STK38L: variants seen among roughly 807,000 people sequenced by gnomAD.
STK38L encodes the protein serine/threonine-protein kinase 38-like.
A neutral mutation model predicts 59.7 loss-of-function variants in STK38L; 28 were observed. That is an observed-to-expected ratio of 0.47 (90% CI 0.35 to 0.64). The LOEUF is 0.64. Among genes scored for constraint, STK38L ranks in the 30% least tolerant of loss-of-function variants. STK38L has a pLI of 0.01. For synonymous variants in STK38L, 162 were observed against 176.8 expected, an observed-to-expected ratio of 0.92 and a Z score of 0.66; for missense variants, 314 against 555.8, an observed-to-expected ratio of 0.56 and a Z score of 4.37.
In STK38L at chr12:27,312,633, A is replaced by C; in HGVS notation, c.478A>C (p.Lys160Gln). The change falls in exon 6 of 14, where the codon AAG (lysine) becomes CAG (glutamine). Residue 160 changes from lysine (K) to glutamine (Q), a missense_variant. Around this residue, in one of 3 missense-constraint regions of STK38L, gnomAD observed 192 missense variants for 316.9 expected, o/e 0.61. Coordinates refer to ENST00000389032, the MANE Select transcript of STK38L (RefSeq NM_015000.4). ...GAAGATGTTTTACAGTTTTCAGGATAAGAGGAATCTTTATCTAATCATGGA... is the reference window on the plus strand; with the variant it reads ...GAAGATGTTTTACAGTTTTCAGGATCAGAGGAATCTTTATCTAATCATGGA... Reference protein sequence around the residue: ...VVKMFYSFQDKRNLYLIMEFL... With the variant: ...VVKMFYSFQDQRNLYLIMEFL... 1 of 1,614,118 alleles carries C rather than the reference A, an allele frequency of 6.2e-7. No homozygotes were observed. Among genetic ancestry groups the C allele is most frequent in the Admixed American group, 1.7e-5 (1 of 60,022 alleles).
Position 27,322,156 on chromosome 12 carries a change from G to T in STK38L, c.1189G>T (p.Ala397Ser), listed in dbSNP as rs1344459477. 6.2e-7 allele frequency: 1 copy of T among 1,613,350 alleles called. No homozygotes were observed. Among genetic ancestry groups the T allele is most frequent in the Non-Finnish European group, 8.5e-7 (1 of 1,179,788 alleles). ...ACCTTTTTATAGGGAAAGGCCAGCA[G>T]CAATCCCTATAGAAATCAAAAGCAT... The part of the protein sequence containing the change: ...DWEHIRERPA[A>S]IPIEIKSIDD... Residue 397 changes from alanine (A) to serine (S), a missense_variant, in exon 13 of 14, where the codon GCA becomes TCA. Physicochemically the swap from Ala to Ser is moderately conservative, Grantham distance 99 (BLOSUM62 1). Transcript: ENST00000389032.
At chr12:27,267,405 A>G (rs190987424) in intron 1 of STK38L, among the ~76,000 whole-genome samples, 1 of 152,126 alleles carries the variant, frequency 6.6e-6, no homozygotes, top group Non-Finnish European at 1.5e-5. Flanking sequence ...ATAAAGGAAG[A>G]CCTCATCTCT....
intron 1 of STK38L, among the ~76,000 whole-genome samples, chr12:27,294,402 G>A (rs1481227997): frequency 6.6e-6 from 1 of 151,682 alleles, no homozygotes; most frequent in African/African-American, 2.4e-5. Context: ...AGCTACTCGG[G>A]AGGCTGAGGT....
chr12:27,317,806 TTGTTTGGTTTCTTGTCGCACA>T (rs1944623214), intron 10 of STK38L, 69 bp from the exon 11 acceptor site: 1 of 1,513,352 alleles, frequency 6.6e-7, no homozygotes. Flanking sequence ...GCACTCAGGG[TTGTTTGGTTTCTTGTCGCACA>T]TGTTTGGTGG....
intron 1 of STK38L, among the ~76,000 whole-genome samples, chr12:27,285,322 A>G (rs1943748936): frequency 6.6e-6 from 1 of 152,232 alleles, no homozygotes; most frequent in African/African-American, 2.4e-5. Context: ...GAAGCTGTTC[A>G]GTGATGCAGA....
chr12:27,257,471 T>A (rs960218992), intron 1 of STK38L, among the ~76,000 whole-genome samples: 1 of 152,206 alleles, frequency 6.6e-6, no homozygotes, highest in Non-Finnish European at 1.5e-5. Flanking sequence ...TCAGCTTTCT[T>A]AATTCACATT....
At chr12:27,262,480 C>T (rs1943221320) in intron 1 of STK38L, among the ~76,000 whole-genome samples, 1 of 151,992 alleles carries the variant, frequency 6.6e-6, no homozygotes, top group African/African-American at 2.4e-5. Context: ...ATTACATTTT[C>T]CATGGCAGAA....
chr12:27,252,093 C>T (rs1348578050), intron 1 of STK38L, among the ~76,000 whole-genome samples: 1 of 152,144 alleles, frequency 6.6e-6, no homozygotes, highest in African/African-American at 2.4e-5. Flanking sequence ...CATTCTCCTG[C>T]CTCAGCCTCC....
At chr12:27,280,368 GTTTTTCATTTT>G (rs1943627998) in intron 1 of STK38L, among the ~76,000 whole-genome samples, 1 of 152,096 alleles carries the variant, frequency 6.6e-6, no homozygotes, top group Admixed American at 6.5e-5. Context: ...CCACAGTGAT[GTTTTTCATTTT>G]TATAGAGAAT....
intron 10 of STK38L, 108 bp from the exon 11 acceptor site, chr12:27,317,788 T>TA: frequency 7.2e-7 from 1 of 1,388,824 alleles, no homozygotes; most frequent in South Asian, 1.4e-5. Flanking sequence ...TTTTGACTGT[T>TA]AAATAGAGCA....
intron 1 of STK38L, among the ~76,000 whole-genome samples, chr12:27,278,310 A>G (rs1012686691): frequency 1.3e-5 from 2 of 152,194 alleles, no homozygotes; most frequent in African/African-American, 2.4e-5. Flanking sequence ...GAGCTGAACT[A>G]TTTGATCTGT....
chr12:27,281,189 C>T lies in STK38L; in HGVS notation c.-11-16521C>T, dbSNP rs1943650580. Among the ~76,000 whole-genome samples the T allele has an allele frequency of 7.5e-5, 2 of 26,568 alleles. 1 individual carries two copies. Among genetic ancestry groups the T allele is most frequent in the Admixed American group, 5.9e-4 (2 of 3,392 alleles). The allele number at this position is 26,568 out of a possible 152,430, so 17.4% of individuals were successfully genotyped here. A position where few individuals can be genotyped will look rare whatever the true frequency, so the allele number is the denominator to read the frequency against. ...CAAGCTCCGCCTCCCGGGTTCACGC[C>T]ATTCTCCTGCCTCAGCCTCCCAAGT... On this transcript the variant is annotated intron_variant, in intron 1 of 13. Coordinates refer to ENST00000389032, the MANE Select transcript of STK38L (RefSeq NM_015000.4).
chr12:27,248,527 A>C (rs1348707269), intron 1 of STK38L, among the ~76,000 whole-genome samples: 1 of 152,254 alleles, frequency 6.6e-6, no homozygotes, highest in Non-Finnish European at 1.5e-5. Flanking sequence ...CTAGGCAGGG[A>C]ATACAGCAGG....
intron 1 of STK38L, among the ~76,000 whole-genome samples, chr12:27,259,441 C>T (rs1943158366): frequency 1.3e-5 from 2 of 152,116 alleles, no homozygotes; most frequent in Non-Finnish European, 2.9e-5. Flanking sequence ...CCTAACGCGC[C>T]ACTTTTTGCT....
intron 1 of STK38L, among the ~76,000 whole-genome samples, chr12:27,266,063 T>G (rs986673513): frequency 6.6e-6 from 1 of 152,188 alleles, no homozygotes; most frequent in Non-Finnish European, 1.5e-5. Flanking sequence ...AAAAGACAGA[T>G]GTTTGACTCT....
At chr12:27,274,410 A>G (rs998214349) in intron 1 of STK38L, among the ~76,000 whole-genome samples, 1 of 152,184 alleles carries the variant, frequency 6.6e-6, no homozygotes, top group African/African-American at 2.4e-5. Context: ...CATTGCTGAT[A>G]TGGTTTTCAA....
intron 1 of STK38L, among the ~76,000 whole-genome samples, chr12:27,283,849 G>A (rs1177809291): frequency 6.6e-6 from 1 of 152,108 alleles, no homozygotes; most frequent in African/African-American, 2.4e-5. Context: ...TCCTGAACAA[G>A]GAGTTCCCAT....
chr12:27,266,731 A>G (rs1229685134), intron 1 of STK38L, among the ~76,000 whole-genome samples: 1 of 152,224 alleles, frequency 6.6e-6, no homozygotes, highest in Admixed American at 6.5e-5. Flanking sequence ...TCCTGGGGGC[A>G]ATATTCAATC....
At position 27,250,073 on chromosome 12, in the gene STK38L, C is replaced by T. The variant is rs543157311; in HGVS notation, c.-12+5741C>T. ...GGGCATGATAGCTAACCCAGGCATT[C>T]GGGGTTGCTGTACCTTTGCTATGGA... On this transcript the variant is annotated intron_variant, in intron 1 of 13. Transcript: ENST00000389032. Among the ~76,000 whole-genome samples, 99 of 152,286 alleles carry T rather than the reference C, an allele frequency of 6.5e-4. 1 individual carries two copies. Among genetic ancestry groups the T allele is most frequent in the African/African-American group, 2.2e-3 (93 of 41,556 alleles).
Sources: allele counts gnomAD v4.1 joint callset (sites outside exome capture counted in the v4.1 genomes callset), GRCh38; gene constraint gnomAD v4.1.1; regional missense constraint gnomAD v4.1.1; transcripts MANE v1.5; gene names NCBI Gene and HGNC (gene_info 2026-07-23, HGNC 2026-07-21).